The following OTULIN variants were observed in gnomAD, a reference collection of about 807,000 sequenced individuals.
The protein encoded by OTULIN is ubiquitin thioesterase otulin.
A neutral mutation model predicts 39.6 loss-of-function variants in OTULIN; 15 were observed. That is an observed-to-expected ratio of 0.38 (90% CI 0.25 to 0.58). OTULIN has a LOEUF of 0.58. Ranked by LOEUF, OTULIN falls within the 20% of genes least tolerant of loss-of-function variation. The probability of loss-of-function intolerance (pLI) is 0.66; values close to 1 mark genes in which losing one functional copy is unlikely to be tolerated. For synonymous variants in OTULIN, 156 were observed against 170.3 expected (o/e 0.92, Z 0.65); for missense variants, 319 against 445.9 (o/e 0.72, Z 2.56).
rs1214489386 is a variant in OTULIN, at chr5:14,690,495, A to T, written c.864+187A>T. On this transcript the variant is annotated intron_variant, in intron 6 of 6. Coordinates refer to ENST00000284274, the MANE Select transcript of OTULIN (RefSeq NM_138348.6). The surrounding 1 kb of genome is among the most constrained non-coding windows in gnomAD (Gnocchi z 4.5). ...CATCTGAAGGCTTGACTGGGGCTGGAAGATCTACTTCCAGTGTTGTTCACT... is the reference window on the plus strand; with the variant it reads ...CATCTGAAGGCTTGACTGGGGCTGGTAGATCTACTTCCAGTGTTGTTCACT... Among the ~76,000 whole-genome samples the T allele has an allele frequency of 1.3e-5, 2 of 152,130 alleles. No homozygotes were observed. The highest frequency in any genetic ancestry group is 2.9e-5 in the Non-Finnish European group (2 of 68,008).
intron 4 of OTULIN, among the ~76,000 whole-genome samples, chr5:14,684,005 G>C (rs1324113463): frequency 6.6e-6 from 1 of 152,170 alleles, no homozygotes; most frequent in African/African-American, 2.4e-5. Context: ...TTTTAAGGTG[G>C]TTTTTCTGAC....
At chr5:14,679,830 T>G (rs937762233) in intron 3 of OTULIN, among the ~76,000 whole-genome samples, 5 of 152,202 alleles carry the variant, frequency 3.3e-5, no homozygotes, top group Non-Finnish European at 7.3e-5. Context: ...TAGGCGTTGG[T>G]TAGAGAACTC....
At position 14,673,818 on chromosome 5, in the gene OTULIN, T is replaced by A. The variant is rs146790125; in HGVS notation, c.229+100T>A. ...TTTTCATAAAATATCAATAAAATAT[T>A]CTTATGTATATGGTCTTATCTACAT... On this transcript the variant is annotated intron_variant, in intron 2 of 6. Transcript: ENST00000284274. 2.1e-4 allele frequency: 202 copies of A among 976,274 alleles called. 1 individual carries two copies. The East Asian group carries it at 4.9e-3, about 24-fold the overall frequency. The allele number at this position is 976,274 out of a possible 1,614,324, so 60.5% of individuals were successfully genotyped here. A position where few individuals can be genotyped will look rare whatever the true frequency, so the allele number is the denominator to read the frequency against.
chr5:14,709,309 ATTTT>A, the OTULIN span: 2 of 151,622 alleles, frequency 1.3e-5, no homozygotes, highest in Non-Finnish European at 2.9e-5. Context: ...ATACATTGAG[ATTTT>A]TTTTTAATCT....
chr5:14,684,379 G>T (rs1269339529), intron 4 of OTULIN, among the ~76,000 whole-genome samples: 2 of 152,230 alleles, frequency 1.3e-5, no homozygotes, highest in Non-Finnish European at 2.9e-5. Context: ...TCGTTTTGTG[G>T]TATCACGTCT....
chr5:14,701,705 A>C (rs1736799146), downstream of OTULIN, among the ~76,000 whole-genome samples: 1 of 152,178 alleles, frequency 6.6e-6, no homozygotes, highest in South Asian at 2.1e-4. Context: ...GCCGGGTGCC[A>C]TCAGGAGTCC....
intron 1 of OTULIN, among the ~76,000 whole-genome samples, chr5:14,669,332 T>C (rs1002784396): frequency 6.6e-6 from 1 of 152,020 alleles, no homozygotes; most frequent in South Asian, 2.1e-4. Flanking sequence ...GCCGTTGCAC[T>C]CCAGCCTATG....
At chr5:14,670,051 A>G (rs1028500585) in intron 1 of OTULIN, among the ~76,000 whole-genome samples, 2 of 152,180 alleles carry the variant, frequency 1.3e-5, no homozygotes, top group African/African-American at 4.8e-5. Context: ...CTTTATTTGT[A>G]TCCTTTAACA....
At chr5:14,716,322 G>A in the OTULIN span, among the ~76,000 whole-genome samples, 1 of 152,096 alleles carries the variant, frequency 6.6e-6, no homozygotes, top group South Asian at 2.1e-4. Context: ...GTGAAACCCC[G>A]TCTCTACTAA....
chr5:14,700,772 A>G (rs1490135761), downstream of OTULIN, among the ~76,000 whole-genome samples: 1 of 151,800 alleles, frequency 6.6e-6, no homozygotes, highest in Non-Finnish European at 1.5e-5. Flanking sequence ...CAAAGTAACT[A>G]TTTTTGTCTT....
intron 1 of OTULIN, among the ~76,000 whole-genome samples, chr5:14,673,275 C>A (rs193240736): frequency 6.6e-6 from 1 of 152,224 alleles, no homozygotes; most frequent in Non-Finnish European, 1.5e-5. Flanking sequence ...GCACTATCTC[C>A]ATTCTTGGAA....
rs1736500449 is a variant in OTULIN at position 14,690,603 on chromosome 5, G to T, written c.864+295G>T. On this transcript the variant is annotated intron_variant, in intron 6 of 6. Transcript: ENST00000284274. The surrounding 1 kb of genome is among the most constrained non-coding windows in gnomAD (Gnocchi z 4.5). The stretch of plus-strand genomic sequence containing the variant: ...GTTCTTCACACATAGGCCTCCACAG[G>T]GCTGCTTGAGTGTCCTTACAACATG... Among the ~76,000 whole-genome samples the T allele has an allele frequency of 6.6e-6, 1 of 152,098 alleles. No individual in the cohort carries two copies. Among genetic ancestry groups the T allele is most frequent in the South Asian group, 2.1e-4 (1 of 4,820 alleles).
rs552866272 is a variant in OTULIN at position 14,664,954 on chromosome 5, C to G, written c.129C>G (p.Pro43=). The change falls in exon 1 of 7, where the codon CCC becomes CCG. Residue 43 remains proline, a synonymous_variant. Coordinates refer to ENST00000284274, the MANE Select transcript of OTULIN (RefSeq NM_138348.6). ...GKAAASGQPR[P]EMQCPAEHEE... The stretch of plus-strand genomic sequence containing the variant: ...CGGCGGCCAGCGGGCAGCCGCGGCC[C>G]GAGATGCAGTGCCCGGCCGAGCAGT... 5.4e-6 allele frequency: 6 copies of G among 1,110,390 alleles called. No homozygotes were observed. Among genetic ancestry groups the G allele is most frequent in the African/African-American group, 1.7e-5 (1 of 60,472 alleles). The allele number at this position is 1,110,390 out of a possible 1,614,324, so 68.8% of individuals were successfully genotyped here. A position where few individuals can be genotyped will look rare whatever the true frequency, so the allele number is the denominator to read the frequency against.
Position 14,664,787 on chromosome 5 carries a change from T to C in OTULIN, c.-39T>C. 1 of 1,170,440 alleles carries C rather than the reference T, an allele frequency of 8.5e-7. No homozygotes were observed. The allele number at this position is 1,170,440 out of a possible 1,614,324, so 72.5% of individuals were successfully genotyped here. The stretch of plus-strand genomic sequence containing the variant: ...CCCCGACGGGAGGGGCTCCGGATCG[T>C]TCGGAGCCGGCTGAACCCCTTCGGC... On this transcript the variant is annotated 5_prime_UTR_variant, in exon 1 of 7. Coordinates refer to ENST00000284274, the MANE Select transcript of OTULIN (RefSeq NM_138348.6).
the OTULIN span, chr5:14,713,530 C>A: frequency 6.2e-7 from 1 of 1,613,840 alleles, no homozygotes; most frequent in East Asian, 2.2e-5. This position sits in a 1 kb window ranked among gnomAD's most constrained non-coding sequence, Gnocchi z 4.4. Flanking sequence ...GCCCCAAACT[C>A]CCTGACAACA....
intron 4 of OTULIN, among the ~76,000 whole-genome samples, chr5:14,684,866 G>C (rs1035950046): frequency 5.9e-5 from 9 of 152,182 alleles, no homozygotes; most frequent in Non-Finnish European, 2.9e-5. Flanking sequence ...GCCTTGCTCT[G>C]TTCCCTGCCT....
At chr5:14,670,059 A>T (rs1735943704) in intron 1 of OTULIN, among the ~76,000 whole-genome samples, 1 of 152,190 alleles carries the variant, frequency 6.6e-6, no homozygotes, top group African/African-American at 2.4e-5. Flanking sequence ...GTATCCTTTA[A>T]CAAATTTTAA....
At chr5:14,675,537 C>T (rs1396962931) in intron 2 of OTULIN, among the ~76,000 whole-genome samples, 2 of 152,162 alleles carry the variant, frequency 1.3e-5, no homozygotes, top group African/African-American at 4.8e-5. Flanking sequence ...GGTGCAGTGT[C>T]CTCATTAGTC....
chr5:14,668,036 C>T (rs1735893829), intron 1 of OTULIN, among the ~76,000 whole-genome samples: 1 of 152,156 alleles, frequency 6.6e-6, no homozygotes, highest in Non-Finnish European at 1.5e-5. Flanking sequence ...GAGGGTGAGA[C>T]AGGGTTTGAA....
Sources: gnomAD v4.1 joint callset for allele counts (sites outside exome capture counted in the v4.1 genomes callset) on GRCh38, gnomAD v4.1.1 for gene constraint, Gnocchi (gnomAD v3.1) non-coding constraint, MANE v1.5 for transcripts, NCBI Gene and HGNC (gene_info 2026-07-23, HGNC 2026-07-21) for gene names.